The following GRID2 variants were observed in gnomAD, a reference collection of about 807,000 sequenced individuals.
The protein encoded by GRID2 is glutamate receptor ionotropic, delta-2.
GRID2 carries 33 observed loss-of-function variants against 114.8 expected under a neutral mutation model. The ratio of observed to expected loss-of-function variants is 0.29; its 90% CI spans 0.22 to 0.38. The LOEUF (loss-of-function observed/expected upper bound fraction) is 0.38. Among genes scored for constraint, GRID2 ranks in the 10% least tolerant of loss-of-function variants. The pLI is 1.00. For synonymous variants in GRID2, 505 were observed against 449.9 expected, an observed-to-expected ratio of 1.12 and a Z score of -1.55; for missense variants, 1,184 against 1,257.7, an observed-to-expected ratio of 0.94 and a Z score of 0.89.
chr4:92,797,546 G>T (rs1739947076), intron 2 of GRID2, among the ~76,000 whole-genome samples: 1 of 151,796 alleles, frequency 6.6e-6, no homozygotes, highest in Non-Finnish European at 1.5e-5. Flanking sequence ...TAACGTAAAA[G>T]TTTTAACTCT....
At chr4:93,524,783 G>GTA (rs1455751868) in intron 13 of GRID2, among the ~76,000 whole-genome samples, 4 of 86,618 alleles carry the variant, frequency 4.6e-5, no homozygotes, top group East Asian at 7.4e-4. Flanking sequence ...ATGTATGTAT[G>GTA]TGTATATATA....
chr4:93,742,204 C>G (rs553875964), intron 14 of GRID2, among the ~76,000 whole-genome samples: 1 of 152,200 alleles, frequency 6.6e-6, no homozygotes, highest in East Asian at 1.9e-4. Context: ...ATTCATTTAG[C>G]CTATGAATAA....
At chr4:93,185,496 G>A (rs1004053116) in intron 4 of GRID2, among the ~76,000 whole-genome samples, 8 of 152,060 alleles carry the variant, frequency 5.3e-5, no homozygotes, top group African/African-American at 2.4e-5. Context: ...CAGCAACATG[G>A]GAAGCTGATG....
chr4:92,853,539 CATAAA>C (rs1743973944), intron 2 of GRID2, among the ~76,000 whole-genome samples: 1 of 151,862 alleles, frequency 6.6e-6, no homozygotes. Flanking sequence ...ATTTTGACTC[CATAAA>C]ATAAAGACAC....
chr4:92,768,905 A>G (rs950929855), intron 2 of GRID2, among the ~76,000 whole-genome samples: 2 of 152,182 alleles, frequency 1.3e-5, no homozygotes, highest in Admixed American at 6.5e-5. Context: ...GTGGGGACAC[A>G]TACAAACCAT....
At chr4:93,033,294 C>A (rs189393736) in intron 2 of GRID2, among the ~76,000 whole-genome samples, 8 of 152,122 alleles carry the variant, frequency 5.3e-5, no homozygotes, top group Admixed American at 5.2e-4. Context: ...GCTATTATAC[C>A]CATGGTTATG....
intron 1 of GRID2, among the ~76,000 whole-genome samples, chr4:92,403,992 C>T (rs983365830): frequency 1.3e-5 from 2 of 152,032 alleles, no homozygotes; most frequent in African/African-American, 4.8e-5. Context: ...TAACTAATCA[C>T]AGATTAACAT....
intron 1 of GRID2, among the ~76,000 whole-genome samples, chr4:92,397,796 A>G (rs1159537003): frequency 6.6e-6 from 1 of 152,160 alleles, no homozygotes; most frequent in African/African-American, 2.4e-5. Context: ...AATGAAGAGA[A>G]CATATCAGTA....
intron 2 of GRID2, among the ~76,000 whole-genome samples, chr4:93,054,839 A>C: frequency 6.6e-6 from 1 of 151,730 alleles, no homozygotes; most frequent in East Asian, 1.9e-4. Context: ...AAAAGAAAAT[A>C]ACAAGTTTAA....
intron 8 of GRID2, among the ~76,000 whole-genome samples, chr4:93,255,082 T>C (rs920048762): frequency 2.6e-5 from 4 of 152,172 alleles, no homozygotes; most frequent in African/African-American, 9.6e-5. Flanking sequence ...CTTTTTCTTA[T>C]AGCTTATAGC....
chr4:93,741,670 G>A (rs967982164), intron 14 of GRID2, among the ~76,000 whole-genome samples: 2 of 152,224 alleles, frequency 1.3e-5, no homozygotes, highest in Non-Finnish European at 2.9e-5. Context: ...GCTCACGCCT[G>A]TAATCCCAAC....
chr4:92,621,414 T>C (rs1245875936), intron 2 of GRID2, among the ~76,000 whole-genome samples: 1 of 151,806 alleles, frequency 6.6e-6, no homozygotes, highest in Admixed American at 6.6e-5. Flanking sequence ...AATTAAAAGA[T>C]GAACCAGTGC....
chr4:92,992,884 G>C (rs1754991184), intron 2 of GRID2, among the ~76,000 whole-genome samples: 1 of 151,810 alleles, frequency 6.6e-6, no homozygotes, highest in Admixed American at 6.6e-5. Flanking sequence ...AAATTTTTAT[G>C]ACCTCTTTGC....
intron 2 of GRID2, among the ~76,000 whole-genome samples, chr4:92,714,948 T>C (rs900988535): frequency 1.3e-5 from 2 of 152,244 alleles, no homozygotes; most frequent in Non-Finnish European, 2.9e-5. Flanking sequence ...ATTTGGCTCC[T>C]AGTTACTTAT....
Position 93,085,102 on chromosome 4 carries a change from T to C in GRID2, c.352T>C (p.Phe118Leu). The change falls in exon 3 of 16, where the codon TTC (phenylalanine) becomes CTC (leucine). Residue 118 changes from phenylalanine to leucine, a missense_variant. By Grantham distance (22) the Phe-to-Leu change is conservative (BLOSUM62 0). Around this residue, in one of 3 missense-constraint regions of GRID2, gnomAD observed 455 missense variants for 429.5 expected, o/e 1.06. Transcript: ENST00000282020. Reference protein sequence around the residue: ...LADAMHIPHLFIQRSTAGTPR... With the variant: ...LADAMHIPHLLIQRSTAGTPR... The stretch of plus-strand genomic sequence containing the variant: ...AGACGCCATGCATATCCCCCACCTC[T>C]TCATTCAGCGCTCAACAGCTGGGAC... 6.2e-7 allele frequency: 1 copy of C among 1,614,144 alleles called. No individual in the cohort carries two copies. The highest frequency in any genetic ancestry group is 1.7e-5 in the Admixed American group (1 of 60,020).
chr4:92,992,134 G>A (rs1001137944), intron 2 of GRID2, among the ~76,000 whole-genome samples: 1 of 152,118 alleles, frequency 6.6e-6, no homozygotes, highest in Non-Finnish European at 1.5e-5. Flanking sequence ...GAACTGGGTT[G>A]CCTGTAAGAC....
At chr4:93,485,747 G>C (rs928970655) in intron 11 of GRID2, among the ~76,000 whole-genome samples, 2 of 151,630 alleles carry the variant, frequency 1.3e-5, no homozygotes, top group Admixed American at 1.3e-4. Flanking sequence ...CTAACCAACT[G>C]TCTTAATTAC....
intron 2 of GRID2, among the ~76,000 whole-genome samples, chr4:92,923,983 A>T (rs562192812): frequency 6.6e-6 from 1 of 152,296 alleles, no homozygotes; most frequent in South Asian, 2.1e-4. Context: ...ACAATAGCAA[A>T]GACTTGGAAC....
chr4:92,611,146 ATGTGTGTGTGTGTGTG>A (rs57724105), intron 2 of GRID2, among the ~76,000 whole-genome samples: 3 of 136,126 alleles, frequency 2.2e-5, no homozygotes, highest in Non-Finnish European at 3.2e-5. Flanking sequence ...GTGTGTGTGC[ATGTGTGTGTGTGTGTG>A]TGTGTTTTAG....
Sources: gnomAD v4.1 joint callset for allele counts (sites outside exome capture counted in the v4.1 genomes callset) on GRCh38, gnomAD v4.1.1 for gene constraint, gnomAD v4.1.1 regional missense constraint, MANE v1.5 for transcripts, NCBI Gene and HGNC (gene_info 2026-07-23, HGNC 2026-07-21) for gene names.